IST1: variants seen among roughly 807,000 people sequenced by gnomAD.
The protein encoded by IST1 is IST1 homolog.
Under a neutral mutation model 37.0 loss-of-function variants are expected in IST1, and 23 were observed. The ratio of observed to expected loss-of-function variants is 0.62; its 90% CI spans 0.45 to 0.88. IST1 has a LOEUF of 0.88. IST1 is among the 40% of genes least tolerant of loss of function. IST1 has a pLI of 0.00. For synonymous variants in IST1, 180 were observed against 161.7 expected (o/e 1.11, Z -0.86); for missense variants, 488 against 445.4 (o/e 1.10, Z -0.86).
intron 1 of IST1, among the ~76,000 whole-genome samples, chr16:71,914,779 CTTTG>C (rs1320043019): frequency 4.6e-5 from 7 of 152,112 alleles, no homozygotes; most frequent in Admixed American, 2.6e-4. Flanking sequence ...TCTTCAGTTA[CTTTG>C]TTTGACCTAT....
At chr16:71,917,522 T>G (rs1567469537) in intron 4 of IST1, among the ~76,000 whole-genome samples, 1 of 152,238 alleles carries the variant, frequency 6.6e-6, no homozygotes, top group Non-Finnish European at 1.5e-5. Flanking sequence ...ATGTAAGTGC[T>G]GGGGGTAACA....
At chr16:71,908,222 G>A (rs922445929) in intron 1 of IST1, among the ~76,000 whole-genome samples, 2 of 151,626 alleles carry the variant, frequency 1.3e-5, no homozygotes, top group African/African-American at 2.4e-5. Flanking sequence ...GATTAGAGGC[G>A]TGAGCCACTG....
intron 5 of IST1, 119 bp downstream of exon 5, chr16:71,920,941 G>A (rs1277662666): frequency 1.4e-5 from 11 of 770,160 alleles, no homozygotes; most frequent in Admixed American, 1.1e-4. Flanking sequence ...CTTTCATAGT[G>A]GGGTGAGGAG....
intron 1 of IST1, among the ~76,000 whole-genome samples, chr16:71,900,108 G>A (rs2037070449): frequency 6.6e-6 from 1 of 150,420 alleles, no homozygotes; most frequent in Non-Finnish European, 1.5e-5. Flanking sequence ...GGAGGTTGCA[G>A]TAGGCTGAAA....
At chr16:71,897,027 TTTTG>T (rs1330113344) in intron 1 of IST1, among the ~76,000 whole-genome samples, 4 of 152,118 alleles carry the variant, frequency 2.6e-5, no homozygotes, top group African/African-American at 9.7e-5. Context: ...TTATTTTTGT[TTTTG>T]TTCTGCAGAC....
intron 1 of IST1, among the ~76,000 whole-genome samples, chr16:71,896,058 C>G (rs907311946): frequency 9.9e-5 from 15 of 152,210 alleles, no homozygotes; most frequent in African/African-American, 3.6e-4. Context: ...GCGGGGTGGC[C>G]TCCTGGGCTT....
At chr16:71,926,628 G>T (rs1387557398) in intron 9 of IST1, among the ~76,000 whole-genome samples, 1 of 151,890 alleles carries the variant, frequency 6.6e-6, no homozygotes, top group African/African-American at 2.4e-5. Flanking sequence ...TTACAGGCGT[G>T]AGCCACCACG....
intron 8 of IST1, chr16:71,924,059 T>C (rs2037677620): frequency 2.2e-6 from 1 of 450,618 alleles, no homozygotes; most frequent in Non-Finnish European, 4.4e-6. Context: ...CTGAGCTTGC[T>C]TTCTGTTCTT....
In IST1 at chr16:71,897,903, C is replaced by T. The variant is rs144931795; in HGVS notation, c.-16+2314C>T. 3.9e-4 allele frequency among the ~76,000 whole-genome samples: 60 copies of T among 152,248 alleles called. 1 individual carries two copies. The East Asian group carries it at 0.011, about 27-fold the overall frequency. The stretch of plus-strand genomic sequence containing the variant: ...GGCGGAGGTTGCAGTGAGCTGAGAT[C>T]GTGCCACTGCACTCCAGCCTGGGCG... On this transcript the variant is annotated intron_variant, in intron 1 of 9. Coordinates refer to ENST00000378799, the MANE Select transcript of IST1 (RefSeq NM_001270975.2).
At chr16:71,921,528 T>C in intron 6 of IST1, 75 bp downstream of exon 6, 3 of 856,544 alleles carry the variant, frequency 3.5e-6, no homozygotes, top group Non-Finnish European at 5.8e-6. Flanking sequence ...AAAAACATTC[T>C]TTGCACTAAC....
In IST1 at chr16:71,928,179, G is replaced by C. The variant is rs1025964525; in HGVS notation, c.*366G>C. 3.6e-6 allele frequency: 1 copy of C among 277,198 alleles called. No homozygotes were observed. Among genetic ancestry groups the C allele is most frequent in the Admixed American group, 4.9e-5 (1 of 20,224 alleles). The allele number at this position is 277,198 out of a possible 1,614,324, so 17.2% of individuals were successfully genotyped here. A position where few individuals can be genotyped will look rare whatever the true frequency, so the allele number is the denominator to read the frequency against. On this transcript the variant is annotated 3_prime_UTR_variant, in exon 10 of 10. Transcript: ENST00000378799. ...ATGGCTGGACAGTGGGAGAGAGCAC[G>C]TTGTGAAGCATCCCAGCCTCGTGTT...
At chr16:71,904,633 T>C (rs1007136812) in intron 1 of IST1, among the ~76,000 whole-genome samples, 1 of 152,210 alleles carries the variant, frequency 6.6e-6, no homozygotes, top group Non-Finnish European at 1.5e-5. Flanking sequence ...GGTCTTGAAC[T>C]CCTGAGCTCC....
At chr16:71,921,497 T>G (rs4788450) in intron 6 of IST1, 44 bp downstream of exon 6, 617,206 of 1,188,644 alleles carry the variant, frequency 0.52, 167,726 homozygotes, top group East Asian at 0.93. Flanking sequence ...TTTGTAGGTA[T>G]GACCTTCTTT....
At chr16:71,901,628 A>T (rs1597232619) in intron 1 of IST1, among the ~76,000 whole-genome samples, 2 of 152,340 alleles carry the variant, frequency 1.3e-5, no homozygotes, top group East Asian at 3.9e-4. Context: ...TTTAATGATT[A>T]GTTTCTTCGT....
intron 1 of IST1, among the ~76,000 whole-genome samples, chr16:71,899,326 C>T (rs2037049649): frequency 6.6e-6 from 1 of 152,082 alleles, no homozygotes; most frequent in Non-Finnish European, 1.5e-5. Context: ...TGCCTGTAAT[C>T]CCAGCACTTC....
intron 3 of IST1, 61 bp downstream of exon 3, chr16:71,916,703 A>ACTCCTT: frequency 1.4e-6 from 2 of 1,408,242 alleles, no homozygotes; most frequent in East Asian, 2.3e-5. Flanking sequence ...GAGTAATATG[A>ACTCCTT]TCTCTTTCTG....
chr16:71,894,568 T>C (rs947200363), upstream of IST1: 14 of 316,560 alleles, frequency 4.4e-5, no homozygotes, highest in African/African-American at 2.2e-4. Context: ...TTCTGTAGCC[T>C]AGGCTGGAGT....
upstream of IST1, chr16:71,895,184 G>A (rs905852340): frequency 5.4e-5 from 12 of 220,336 alleles, no homozygotes; most frequent in South Asian, 1.7e-4. Context: ...GCCGGTTATG[G>A]AAGAATCCGG....
chr16:71,906,061 TG>T (rs1338730165), intron 1 of IST1, among the ~76,000 whole-genome samples: 3 of 149,308 alleles, frequency 2.0e-5, no homozygotes, highest in Non-Finnish European at 4.4e-5. Flanking sequence ...TGGAGTGCAG[TG>T]GTGCCATCTC....
Sources: allele counts gnomAD v4.1 joint callset (sites outside exome capture counted in the v4.1 genomes callset), GRCh38; gene constraint gnomAD v4.1.1; transcripts MANE v1.5; gene names NCBI Gene and HGNC (gene_info 2026-07-23, HGNC 2026-07-21).